RSRC1: variants seen among roughly 807,000 people sequenced by gnomAD.
RSRC1 encodes arginine and serine rich coiled-coil 1.
A neutral mutation model predicts 49.1 loss-of-function variants in RSRC1; 39 were observed. That is an observed-to-expected ratio of 0.79 (90% CI 0.61 to 1.04). The LOEUF is 1.04. RSRC1 is among the 50% of genes least tolerant of loss of function. The pLI, the probability that RSRC1 is intolerant of heterozygous loss-of-function variation, is 0.00. For synonymous variants in RSRC1, 143 were observed against 130.8 expected (o/e 1.09, Z -0.63); for missense variants, 388 against 402.4 (o/e 0.96, Z 0.31).
intron 3 of RSRC1, among the ~76,000 whole-genome samples, chr3:158,161,714 A>G (rs1234318577): frequency 6.6e-6 from 1 of 152,200 alleles, no homozygotes; most frequent in African/African-American, 2.4e-5. Flanking sequence ...GTGAACTGAG[A>G]TCACGCCACT....
chr3:158,242,370 A>G (rs776971486), intron 4 of RSRC1, among the ~76,000 whole-genome samples: 10 of 152,130 alleles, frequency 6.6e-5, no homozygotes, highest in Non-Finnish European at 8.8e-5. Context: ...TGTCCCTGCA[A>G]AGGACATGAT....
intron 4 of RSRC1, among the ~76,000 whole-genome samples, chr3:158,254,107 A>G (rs1213488267): frequency 2.6e-5 from 4 of 152,124 alleles, no homozygotes; most frequent in Non-Finnish European, 4.4e-5. Context: ...ATCCTTTTTT[A>G]TGGCTGCATA....
chr3:158,282,855 C>T (rs547609465), intron 4 of RSRC1, among the ~76,000 whole-genome samples: 84 of 152,106 alleles, frequency 5.5e-4, no homozygotes, highest in Non-Finnish European at 9.7e-4. Flanking sequence ...GATTATAAAG[C>T]AGGCAATGAC....
At chr3:158,202,643 A>C (rs1328111177) in intron 3 of RSRC1, among the ~76,000 whole-genome samples, 1 of 147,740 alleles carries the variant, frequency 6.8e-6, no homozygotes, top group East Asian at 2.0e-4. Context: ...ACTGTAATGC[A>C]TTTAATACAA....
intron 1 of RSRC1, among the ~76,000 whole-genome samples, chr3:158,118,665 TTCTG>T (rs1715042300): frequency 6.6e-6 from 1 of 152,202 alleles, no homozygotes; most frequent in Non-Finnish European, 1.5e-5. Context: ...CTGTTTTAGT[TTCTG>T]TCTTTTATGG....
At chr3:158,112,892 G>A (rs1435647358) in intron 1 of RSRC1, among the ~76,000 whole-genome samples, 1 of 152,124 alleles carries the variant, frequency 6.6e-6, no homozygotes, top group African/African-American at 2.4e-5. Context: ...GAGAATATGC[G>A]GTGTTTGGTT....
chr3:158,235,712 AT>A (rs1398575716), intron 4 of RSRC1, among the ~76,000 whole-genome samples: 1 of 152,228 alleles, frequency 6.6e-6, no homozygotes, highest in Non-Finnish European at 1.5e-5. Flanking sequence ...ATAGTTATAT[AT>A]TTGCTTTGTT....
intron 4 of RSRC1, among the ~76,000 whole-genome samples, chr3:158,240,162 C>A (rs1331334635): frequency 6.6e-6 from 1 of 151,916 alleles, no homozygotes; most frequent in African/African-American, 2.4e-5. Context: ...GAATTGTTGC[C>A]TGTCTGCCTA....
chr3:158,236,884 A>G (rs1348741971), intron 4 of RSRC1, among the ~76,000 whole-genome samples: 2 of 152,210 alleles, frequency 1.3e-5, no homozygotes, highest in Admixed American at 6.6e-5. Context: ...CATTGGCAGT[A>G]GTAAAGTTAC....
chr3:158,300,535 G>A (rs1727485007), intron 5 of RSRC1, among the ~76,000 whole-genome samples: 1 of 152,158 alleles, frequency 6.6e-6, no homozygotes, highest in Non-Finnish European at 1.5e-5. Context: ...GGGCACCTGA[G>A]GTTTGTGTCT....
chr3:158,224,696 A>T (rs1021071654), intron 4 of RSRC1, among the ~76,000 whole-genome samples: 1 of 151,772 alleles, frequency 6.6e-6, no homozygotes, highest in Non-Finnish European at 1.5e-5. Context: ...TTTACATTGG[A>T]TTAACTCTAA....
At chr3:158,205,505 C>T (rs923583420) in intron 4 of RSRC1, among the ~76,000 whole-genome samples, 1 of 151,930 alleles carries the variant, frequency 6.6e-6, no homozygotes, top group Non-Finnish European at 1.5e-5. Context: ...AATGTTAGTG[C>T]CAGTACTGCT....
At chr3:158,296,203 C>T (rs1020044618) in intron 4 of RSRC1, among the ~76,000 whole-genome samples, 1 of 151,878 alleles carries the variant, frequency 6.6e-6, no homozygotes, top group African/African-American at 2.4e-5. Flanking sequence ...TGCGAGAAAG[C>T]GAAGTAGATG....
chr3:158,301,095 A>G (rs1020339743), intron 5 of RSRC1, among the ~76,000 whole-genome samples: 2 of 151,576 alleles, frequency 1.3e-5, no homozygotes, highest in African/African-American at 4.8e-5. Context: ...TTTTTTAATC[A>G]TTTCTTTCTC....
At chr3:158,410,804 A>G (rs1734423512) in intron 6 of RSRC1, among the ~76,000 whole-genome samples, 1 of 152,124 alleles carries the variant, frequency 6.6e-6, no homozygotes, top group African/African-American at 2.4e-5. Flanking sequence ...CCAAATTATT[A>G]TAAAGCAGTA....
chr3:158,473,315 A>G (rs1251353884), intron 7 of RSRC1, among the ~76,000 whole-genome samples: 1 of 152,208 alleles, frequency 6.6e-6, no homozygotes, highest in African/African-American at 2.4e-5. Context: ...CATATACACC[A>G]TGGAATACTA....
rs546600890 is a variant in RSRC1 at position 158,378,536 on chromosome 3, TG to T, written c.583+23629del. Among the ~76,000 whole-genome samples, 17 of 152,350 alleles carry T rather than the reference TG, an allele frequency of 1.1e-4. No homozygotes were observed. The South Asian group carries it at 2.9e-3, about 26-fold the overall frequency. ...GCAGTTTACTTGGATAGACCCAAATTGTAACTTACTTTCACCTATAGTGGGC... is the reference window on the plus strand; with the variant it reads ...GCAGTTTACTTGGATAGACCCAAATTTAACTTACTTTCACCTATAGTGGGC... On this transcript the variant is annotated intron_variant, in intron 6 of 9. Transcript: ENST00000611884.
At chr3:158,447,901 G>C (rs192923340) in intron 6 of RSRC1, among the ~76,000 whole-genome samples, 2 of 151,498 alleles carry the variant, frequency 1.3e-5, no homozygotes, top group Non-Finnish European at 3.0e-5. Flanking sequence ...CTGGATTTTC[G>C]TTCTTATTTT....
chr3:158,264,535 G>A (rs1424573240), intron 4 of RSRC1, among the ~76,000 whole-genome samples: 1 of 152,144 alleles, frequency 6.6e-6, no homozygotes, highest in African/African-American at 2.4e-5. Flanking sequence ...CAGGTTGATG[G>A]TGAAGTTCAC....
Sources: allele counts gnomAD v4.1 joint callset (sites outside exome capture counted in the v4.1 genomes callset), GRCh38; gene constraint gnomAD v4.1.1; transcripts MANE v1.5; gene names NCBI Gene and HGNC (gene_info 2026-07-23, HGNC 2026-07-21).